The following CNGB1 variants were observed in gnomAD, a reference collection of about 807,000 sequenced individuals.
The protein encoded by CNGB1 is cyclic nucleotide gated channel subunit beta 1.
In CNGB1, 126 loss-of-function variants were observed where a neutral mutation model predicts 151.7. That is an observed-to-expected ratio of 0.83 (90% CI 0.72 to 0.96). The LOEUF is 0.96. CNGB1 is among the 40% of genes least tolerant of loss of function. The probability of loss-of-function intolerance (pLI) is 0.00; values close to 1 mark genes in which losing one functional copy is unlikely to be tolerated. For missense variants in CNGB1, 1,698 were observed against 1,627.0 expected, an observed-to-expected ratio of 1.04 and a Z score of -0.75; for synonymous variants, 623 against 635.1, an observed-to-expected ratio of 0.98 and a Z score of 0.29.
intron 16 of CNGB1, among the ~76,000 whole-genome samples, chr16:57,936,843 A>G (rs1961524735): frequency 6.6e-6 from 1 of 152,008 alleles, no homozygotes. Context: ...AGAGAAAGAG[A>G]GAGAAAAAAA....
chr16:57,933,285 G>A (rs1961407827), intron 16 of CNGB1, among the ~76,000 whole-genome samples: 1 of 152,196 alleles, frequency 6.6e-6, no homozygotes, highest in Admixed American at 6.5e-5. Flanking sequence ...CTCCAATCAA[G>A]GGTAACAGAC....
chr16:57,919,819 T>C (rs1366530), intron 19 of CNGB1, among the ~76,000 whole-genome samples: 23,514 of 152,092 alleles, frequency 0.15, 2,056 homozygotes, highest in Middle Eastern at 0.31. Flanking sequence ...ATGGCTATGT[T>C]TTCCAGCTTC....
Position 57,962,581 on chromosome 16 carries a change from C to G in CNGB1, c.442G>C (p.Glu148Gln). The change falls in exon 7 of 33, where the codon GAG becomes CAG. Residue 148 changes from glutamate (E) to glutamine (Q), a missense_variant. By Grantham distance (29) the Glu-to-Gln change is conservative. Transcript: ENST00000251102. ...GCTDEPNEAL[E>Q]AQDTRPGLRL... ...GGGACTCACCTAGTGTCTTGGGCCT[C>G]AAGGGCCTCATTGGGTTCATCTGTG... The G allele has an allele frequency of 6.2e-7, 1 of 1,614,086 alleles. No individual in the cohort carries two copies. The highest frequency in any genetic ancestry group is 8.5e-7 in the Non-Finnish European group (1 of 1,179,952).
chr16:57,885,576 CTCTTTCTTTCTTTCTTTCTT>C (rs60188757), intron 32 of CNGB1, among the ~76,000 whole-genome samples: 8 of 124,330 alleles, frequency 6.4e-5, no homozygotes, highest in East Asian at 4.9e-4. Flanking sequence ...CTCTCTCTCT[CTCTTTCTTTCTTTCTTTCTT>C]TCTTTCTTTC....
At chr16:57,918,038 C>CATGGATGG (rs71155216) in intron 20 of CNGB1, among the ~76,000 whole-genome samples, 2,196 of 149,840 alleles carry the variant, frequency 0.015, 46 homozygotes, top group African/African-American at 0.043. Context: ...CAGGTGAATG[C>CATGGATGG]ATGGATGGAT....
At chr16:57,901,102 T>C (rs1402318752) in intron 29 of CNGB1, among the ~76,000 whole-genome samples, 1 of 152,044 alleles carries the variant, frequency 6.6e-6, no homozygotes, top group Non-Finnish European at 1.5e-5. Context: ...CCTGTGTCAA[T>C]GGAGCTGAGA....
At chr16:57,913,702 C>G (rs577906883) in intron 23 of CNGB1, among the ~76,000 whole-genome samples, 1 of 152,168 alleles carries the variant, frequency 6.6e-6, no homozygotes, top group South Asian at 2.1e-4. Context: ...GTTGGTCTCA[C>G]ATTTCTAGGC....
chr16:57,965,138 A>G (rs1962358824), intron 2 of CNGB1, among the ~76,000 whole-genome samples: 2 of 152,270 alleles, frequency 1.3e-5, no homozygotes, highest in South Asian at 2.1e-4. Flanking sequence ...ACTCTCATGC[A>G]CATACATACA....
In CNGB1 at chr16:57,960,913, G is replaced by A. The variant is rs752061342; in HGVS notation, c.461C>T (p.Pro154Leu). ...NEALEAQDTRPGLRLLLWLEQ... is the reference protein window; with the variant it reads ...NEALEAQDTRLGLRLLLWLEQ... ...CAGCCACAGAAGCAGCCGCAGCCCA[G>A]GCCTGCAGAGGGGCCAGTGATCAGC... is the stretch of plus-strand genomic sequence containing the variant. Residue 154 changes from proline to leucine, a missense_variant and splice_region_variant, in exon 8 of 33, where the codon CCT (proline) becomes CTT (leucine). Coordinates refer to ENST00000251102, the MANE Select transcript of CNGB1 (RefSeq NM_001297.5). The A allele has an allele frequency of 6.2e-7, 1 of 1,614,186 alleles. No homozygotes were observed. Among genetic ancestry groups the A allele is most frequent in the East Asian group, 2.2e-5 (1 of 44,888 alleles).
chr16:57,907,900 C>A (rs924160803), intron 25 of CNGB1, among the ~76,000 whole-genome samples: 1 of 152,136 alleles, frequency 6.6e-6, no homozygotes, highest in African/African-American at 2.4e-5. Context: ...TGGCCTCTGG[C>A]ACATCTCTTT....
intron 32 of CNGB1, among the ~76,000 whole-genome samples, chr16:57,885,023 G>A (rs1190868902): frequency 6.6e-6 from 1 of 152,212 alleles, no homozygotes; most frequent in African/African-American, 2.4e-5. Context: ...GACCCCATGT[G>A]TGGGGACCTG....
chr16:57,922,429 TTC>T (rs1365937123), intron 18 of CNGB1, among the ~76,000 whole-genome samples: 5 of 149,070 alleles, frequency 3.4e-5, no homozygotes, highest in African/African-American at 1.3e-4. Flanking sequence ...CTTTCTTTCT[TTC>T]TTTTTTTTTT....
intron 12 of CNGB1, chr16:57,954,683 G>A (rs778588793): frequency 1.1e-5 from 11 of 983,686 alleles, no homozygotes; most frequent in African/African-American, 1.7e-5. Flanking sequence ...GGTTTGATGT[G>A]CTCATTTACA....
chr16:57,958,722 C>T (rs149207412), intron 10 of CNGB1, among the ~76,000 whole-genome samples: 18 of 151,332 alleles, frequency 1.2e-4, no homozygotes, highest in South Asian at 2.1e-4. Context: ...CCCTCCCACC[C>T]GTTCTCGGAA....
chr16:57,954,850 A>C, intron 12 of CNGB1: 1 of 1,000,292 alleles, frequency 1.0e-6, no homozygotes, highest in Non-Finnish European at 1.2e-6. Flanking sequence ...GGGGCTGTGC[A>C]CGCGTCCTCT....
At chr16:57,964,692 C>A in intron 2 of CNGB1, 148 bp from the exon 3 acceptor site, 1 of 842,200 alleles carries the variant, frequency 1.2e-6, no homozygotes, top group Non-Finnish European at 1.9e-6. Flanking sequence ...ATCCTGTTGG[C>A]CTTACCTTCC....
At chr16:57,895,158 G>T (rs1288436742) in intron 31 of CNGB1, among the ~76,000 whole-genome samples, 1 of 152,148 alleles carries the variant, frequency 6.6e-6, no homozygotes, top group Admixed American at 6.5e-5. Context: ...ATTCTAATAT[G>T]TGGTGGCAGG....
intron 32 of CNGB1, among the ~76,000 whole-genome samples, chr16:57,885,580 T>TCTCCC (rs746385217): frequency 1.8e-5 from 1 of 56,978 alleles, no homozygotes; most frequent in East Asian, 5.3e-4. Context: ...CTCTCTCTCT[T>TCTCCC]TCTTTCTTTC....
intron 31 of CNGB1, among the ~76,000 whole-genome samples, chr16:57,895,655 C>T (rs543570669): frequency 2.0e-5 from 3 of 151,882 alleles, no homozygotes; most frequent in African/African-American, 7.2e-5. Context: ...GTAGCAATGA[C>T]TGCTCCTAGG....
Sources: gnomAD v4.1 joint callset for allele counts (sites outside exome capture counted in the v4.1 genomes callset) on GRCh38, gnomAD v4.1.1 for gene constraint, MANE v1.5 for transcripts, NCBI Gene and HGNC (gene_info 2026-07-23, HGNC 2026-07-21) for gene names.